Variants in ARHGEF3 observed in about 807,000 individuals in gnomAD.
The protein encoded by ARHGEF3 is 59.8 kDA protein.
In ARHGEF3, 28 loss-of-function variants were observed where a neutral mutation model predicts 63.2. The ratio of observed to expected loss-of-function variants is 0.44; its 90% CI spans 0.33 to 0.61. ARHGEF3 has a LOEUF of 0.61. Ranked by LOEUF, ARHGEF3 falls within the 20% of genes least tolerant of loss-of-function variation. The pLI, the probability that ARHGEF3 is intolerant of heterozygous loss-of-function variation, is 0.03. For synonymous variants in ARHGEF3, 266 were observed against 254.2 expected (o/e 1.05, Z -0.44); for missense variants, 533 against 659.3 (o/e 0.81, Z 2.10).
chr3:56,999,558 C>A (rs1702112547), intron 2 of ARHGEF3, among the ~76,000 whole-genome samples: 2 of 152,146 alleles, frequency 1.3e-5, no homozygotes, highest in Non-Finnish European at 2.9e-5. Flanking sequence ...GTAATCCCAA[C>A]AGTTTGGGAG....
intron 1 of ARHGEF3, among the ~76,000 whole-genome samples, chr3:56,782,493 A>G (rs2107880223): frequency 6.6e-6 from 1 of 151,864 alleles, no homozygotes; most frequent in East Asian, 1.9e-4. Context: ...TGGAAGCCAC[A>G]TTCTTGTGTT....
chr3:56,779,351 A>G (rs965534892), intron 1 of ARHGEF3, among the ~76,000 whole-genome samples: 8 of 152,220 alleles, frequency 5.3e-5, no homozygotes, highest in Admixed American at 2.6e-4. Flanking sequence ...AAAGAGGAAA[A>G]CAGGACTGGT....
At chr3:57,006,151 GA>G (rs1419282954) in intron 2 of ARHGEF3, among the ~76,000 whole-genome samples, 1 of 152,124 alleles carries the variant, frequency 6.6e-6, no homozygotes, top group Non-Finnish European at 1.5e-5. Flanking sequence ...CTTTTAATAG[GA>G]TCTGCCATGT....
intron 3 of ARHGEF3, 135 bp from the exon 4 acceptor site, chr3:56,753,701 A>C: frequency 1.4e-6 from 1 of 709,656 alleles, no homozygotes; most frequent in African/African-American, 1.8e-5. Context: ...CCTGAAGCAA[A>C]TGCATCTATG....
chr3:56,953,783 T>C (rs2106707025), intron 3 of ARHGEF3, among the ~76,000 whole-genome samples: 1 of 152,324 alleles, frequency 6.6e-6, no homozygotes, highest in East Asian at 1.9e-4. Context: ...ATGGTCACCC[T>C]GTTCCTTCAA....
intron 1 of ARHGEF3, among the ~76,000 whole-genome samples, chr3:57,047,675 A>G (rs1201209279): frequency 6.6e-6 from 1 of 152,154 alleles, no homozygotes. Flanking sequence ...TCTCTTGGAG[A>G]AGTTAAAAAG....
At chr3:56,985,340 CG>C (rs1399033149) in intron 2 of ARHGEF3, among the ~76,000 whole-genome samples, 2 of 152,242 alleles carry the variant, frequency 1.3e-5, no homozygotes, top group Admixed American at 1.3e-4. Flanking sequence ...CTGCCCGCCT[CG>C]GCCTCCCAAA....
At chr3:56,820,728 T>C (rs1336671635) in intron 4 of ARHGEF3, among the ~76,000 whole-genome samples, 1 of 152,354 alleles carries the variant, frequency 6.6e-6, no homozygotes, top group East Asian at 1.9e-4. Context: ...TGAGACAAAT[T>C]AACAAGAATT....
At chr3:56,827,575 G>A (rs750991873) in intron 4 of ARHGEF3, among the ~76,000 whole-genome samples, 6 of 151,864 alleles carry the variant, frequency 4.0e-5, no homozygotes, top group Non-Finnish European at 7.4e-5. Flanking sequence ...TACCAAGTGC[G>A]CAGTAAATGT....
At chr3:56,908,445 A>T (rs765249133) in intron 3 of ARHGEF3, among the ~76,000 whole-genome samples, 12 of 152,228 alleles carry the variant, frequency 7.9e-5, no homozygotes, top group Non-Finnish European at 1.6e-4. Context: ...CAGAGTGGAA[A>T]GGGGAGATCC....
At chr3:56,996,967 G>A in intron 2 of ARHGEF3, among the ~76,000 whole-genome samples, 1 of 149,688 alleles carries the variant, frequency 6.7e-6, no homozygotes. Flanking sequence ...TGTGGCCCAA[G>A]ACAATTATTC....
At chr3:56,919,205 G>A (rs1474551804) in intron 3 of ARHGEF3, among the ~76,000 whole-genome samples, 1 of 152,176 alleles carries the variant, frequency 6.6e-6, no homozygotes, top group Admixed American at 6.5e-5. Context: ...AGGGTTTTAT[G>A]TAAAATCTCT....
intron 3 of ARHGEF3, among the ~76,000 whole-genome samples, chr3:56,930,494 A>C (rs2042382289): frequency 6.6e-6 from 1 of 152,176 alleles, no homozygotes; most frequent in Non-Finnish European, 1.5e-5. Context: ...CCAGCAACAC[A>C]CACAGAGGCA....
At chr3:57,042,517 G>A (rs958268357) in intron 1 of ARHGEF3, among the ~76,000 whole-genome samples, 7 of 151,292 alleles carry the variant, frequency 4.6e-5, no homozygotes, top group South Asian at 2.1e-4. Flanking sequence ...CAGTCATGTC[G>A]GGGTTTGTTG....
At chr3:56,949,356 G>C (rs200837131) in intron 3 of ARHGEF3, among the ~76,000 whole-genome samples, 17,123 of 151,360 alleles carry the variant, frequency 0.11, 1,191 homozygotes, top group East Asian at 0.25. Flanking sequence ...GTTTGCAGAT[G>C]ACATGATTGT....
intron 4 of ARHGEF3, among the ~76,000 whole-genome samples, chr3:56,843,122 A>G (rs1009962272): frequency 6.6e-6 from 1 of 152,184 alleles, no homozygotes; most frequent in Non-Finnish European, 1.5e-5. Context: ...CTCAGAATCA[A>G]TTTAATGAAT....
chr3:56,969,641 C>T (rs1700818839), intron 2 of ARHGEF3, among the ~76,000 whole-genome samples: 1 of 151,374 alleles, frequency 6.6e-6, no homozygotes, highest in South Asian at 2.1e-4. Context: ...CATGGTGGCT[C>T]ATGCCTATAA....
At chr3:56,907,426 T>C (rs564528421) in intron 3 of ARHGEF3, among the ~76,000 whole-genome samples, 1 of 152,226 alleles carries the variant, frequency 6.6e-6, no homozygotes. Context: ...TCAACCATTA[T>C]GGAAATCAGT....
intron 3 of ARHGEF3, among the ~76,000 whole-genome samples, chr3:56,889,210 C>T (rs1182029121): frequency 6.6e-6 from 1 of 152,158 alleles, no homozygotes; most frequent in Non-Finnish European, 1.5e-5. Context: ...ATCTGAATCT[C>T]ATCGGTAAAT....
Sources: gnomAD v4.1 joint callset for allele counts (sites outside exome capture counted in the v4.1 genomes callset) on GRCh38, gnomAD v4.1.1 for gene constraint, MANE v1.5 for transcripts, NCBI Gene and HGNC (gene_info 2026-07-23, HGNC 2026-07-21) for gene names.